PIK3R6: variants seen among roughly 807,000 people sequenced by gnomAD.
The protein encoded by PIK3R6 is phosphoinositide-3-kinase regulatory subunit 6.
A neutral mutation model predicts 84.9 loss-of-function variants in PIK3R6; 91 were observed. The observed-to-expected ratio is 1.07, with a 90% CI of 0.90 to 1.28. The LOEUF is 1.28. PIK3R6 is among the 50% of genes most tolerant of loss of function. The pLI is 0.00. For missense variants in PIK3R6, 996 were observed against 985.1 expected (o/e 1.01, Z -0.15); for synonymous variants, 416 against 411.4 (o/e 1.01, Z -0.13).
rs35964462 is a variant in PIK3R6 at position 8,834,550 on chromosome 17, AT to A, written c.645+722del. On this transcript the variant is annotated intron_variant, in intron 8 of 19. Coordinates refer to ENST00000619866, the MANE Select transcript of PIK3R6 (RefSeq NM_001010855.4). ...GCAAACACATGTCACTGCGTCTGGT[AT>A]TTTTTTTTTTTTATTACTTTTTGTA... Among the ~76,000 whole-genome samples, 1,314 of 146,394 alleles carry A rather than the reference AT, an allele frequency of 9.0e-3. 17 individuals carry two copies. Among genetic ancestry groups the A allele is most frequent in the African/African-American group, 0.028 (1,109 of 39,894 alleles).
Position 8,810,320 on chromosome 17 carries a change from C to T in PIK3R6, c.1996-6167G>A, listed in dbSNP as rs1392443159. Among the ~76,000 whole-genome samples the T allele has an allele frequency of 1.4e-5, 2 of 147,894 alleles. 1 individual carries two copies. Among genetic ancestry groups the T allele is most frequent in the East Asian group, 4.6e-4 (2 of 4,388 alleles). ...GTCCCCATGATTCAATTACCTCCCA[C>T]CAGGCCCCTCCCACAACATGTGGGA... On this transcript the variant is annotated intron_variant, in intron 18 of 19. Transcript: ENST00000619866.
intron 1 of PIK3R6, among the ~76,000 whole-genome samples, chr17:8,855,233 A>G (rs1043722763): frequency 1.1e-4 from 14 of 123,708 alleles, no homozygotes; most frequent in African/African-American, 3.8e-4. Context: ...CAAAACAACA[A>G]TAAAATAAAA....
chr17:8,850,407 AT>A (rs1458438727), intron 1 of PIK3R6, among the ~76,000 whole-genome samples: 1 of 152,170 alleles, frequency 6.6e-6, no homozygotes. Flanking sequence ...TTTAATATTA[AT>A]ATTAAGCTTA....
intron 1 of PIK3R6, among the ~76,000 whole-genome samples, chr17:8,853,092 C>A (rs1483644728): frequency 1.3e-5 from 2 of 151,740 alleles, no homozygotes; most frequent in Non-Finnish European, 2.9e-5. Context: ...TTAATCTGTG[C>A]AACAAAATAC....
At chr17:8,827,114 C>G in intron 13 of PIK3R6, 58 bp downstream of exon 13, 1 of 1,581,010 alleles carries the variant, frequency 6.3e-7, no homozygotes, top group Non-Finnish European at 8.6e-7. Context: ...GTTCTCCCCT[C>G]TGCCCAGACC....
intron 18 of PIK3R6, 45 bp from the exon 19 acceptor site, chr17:8,804,198 A>G (rs759166112): frequency 6.5e-7 from 1 of 1,529,060 alleles, no homozygotes; most frequent in East Asian, 2.3e-5. Flanking sequence ...TTTGCTCGAC[A>G]GGTGGCCCTG....
At chr17:8,866,520 C>G (rs1331093790) in intron 1 of PIK3R6, among the ~76,000 whole-genome samples, 1 of 152,120 alleles carries the variant, frequency 6.6e-6, no homozygotes, top group Admixed American at 6.5e-5. Context: ...CCAGCCTGCG[C>G]AAAAGCGTGA....
In PIK3R6 at chr17:8,803,438, G is replaced by A. The variant is rs1320708709; in HGVS notation, c.2109-9C>T. ...AGGGAGCAACCTCGAATCTGTGGGT[G>A]GAGAGAGACCAGCTCAGGTGACCCA... is the stretch of plus-strand genomic sequence containing the variant. On this transcript the variant is annotated splice_polypyrimidine_tract_variant and intron_variant, in intron 19 of 19. Transcript: ENST00000619866. The surrounding 1 kb of genome is among the most constrained non-coding windows in gnomAD (Gnocchi z 5.0). The A allele has an allele frequency of 6.3e-7, 1 of 1,593,366 alleles. No individual in the cohort carries two copies. Among genetic ancestry groups the A allele is most frequent in the Non-Finnish European group, 8.5e-7 (1 of 1,170,750 alleles).
intron 9 of PIK3R6, 107 bp downstream of exon 9, chr17:8,832,782 G>A (rs995446599): frequency 1.3e-6 from 2 of 1,534,550 alleles, no homozygotes; most frequent in Non-Finnish European, 1.8e-6. Context: ...AGTCGGCCAG[G>A]CACCCAGACA....
At chr17:8,822,747 C>T (rs1205396008) in intron 15 of PIK3R6, 90 bp from the exon 16 acceptor site, 6 of 1,333,842 alleles carry the variant, frequency 4.5e-6, no homozygotes, top group African/African-American at 4.4e-5. Flanking sequence ...AGCTGAGCTG[C>T]TGGGTTTACC....
intron 18 of PIK3R6, among the ~76,000 whole-genome samples, chr17:8,815,554 C>T (rs2087506749): frequency 6.6e-6 from 1 of 151,520 alleles, no homozygotes; most frequent in Admixed American, 6.6e-5. Context: ...AAGAAAATGT[C>T]AATACATTCC....
intron 1 of PIK3R6, among the ~76,000 whole-genome samples, chr17:8,853,938 G>A (rs1406734602): frequency 2.0e-5 from 3 of 149,472 alleles, no homozygotes; most frequent in African/African-American, 7.4e-5. Flanking sequence ...ACTCTAGCCT[G>A]GTGACAGAGA....
At chr17:8,806,003 G>T (rs530109452) in intron 18 of PIK3R6, among the ~76,000 whole-genome samples, 2 of 152,198 alleles carry the variant, frequency 1.3e-5, no homozygotes, top group Non-Finnish European at 2.9e-5. Flanking sequence ...TTGTGGTCAG[G>T]GGGGCAGGCA....
intron 1 of PIK3R6, among the ~76,000 whole-genome samples, chr17:8,861,930 T>G (rs1000355612): frequency 1.3e-5 from 2 of 152,244 alleles, no homozygotes; most frequent in African/African-American, 4.8e-5. Flanking sequence ...GAACAAATCT[T>G]CTAGCCATGA....
At chr17:8,829,837 G>A (rs560954672) in intron 9 of PIK3R6, 45 bp from the exon 10 acceptor site, 1 of 1,460,210 alleles carries the variant, frequency 6.8e-7, no homozygotes, top group South Asian at 1.2e-5. Flanking sequence ...GAGGCCATGG[G>A]ACCCTCCTCT....
chr17:8,850,009 TAAGA>T, intron 1 of PIK3R6, 124 bp from the exon 2 acceptor site: 1 of 467,200 alleles, frequency 2.1e-6, no homozygotes, highest in Non-Finnish European at 3.7e-6. Context: ...TAGATGTATT[TAAGA>T]AAACTTATGA....
chr17:8,821,835 C>T lies in PIK3R6; in HGVS notation c.1879+11G>A, dbSNP rs370819338. ...TCTCTCTTTCTTTGCTCTGCATTCC[C>T]CATTCCTCACCTTCTGTGTCGCTGG... On this transcript the variant is annotated intron_variant, in intron 17 of 19. Transcript: ENST00000619866. 174 of 1,582,236 alleles carry T rather than the reference C, an allele frequency of 1.1e-4. No homozygotes were observed. The African/African-American group carries it at 2.1e-3, about 19-fold the overall frequency.
chr17:8,827,213 C>T lies in PIK3R6; in HGVS notation c.1474G>A (p.Val492Ile), dbSNP rs200683874. Residue 492 changes from valine (V) to isoleucine (I), a missense_variant, in exon 13 of 20, where the codon GTC becomes ATC. Transcript: ENST00000619866. ...TGGATGGCGGGGCACAGCGTGTTGA[C>T]GTTGCTCTGGTACCACGGGTCTACG... ...GRVDPWYQSN[V>I]NTLCPAIHKL... 2.6e-4 allele frequency: 418 copies of T among 1,610,442 alleles called. No homozygotes were observed. The highest frequency in any genetic ancestry group is 4.0e-4 in the East Asian group (18 of 44,750).
intron 1 of PIK3R6, among the ~76,000 whole-genome samples, chr17:8,854,829 GA>G (rs1438631857): frequency 6.6e-6 from 1 of 152,176 alleles, no homozygotes; most frequent in African/African-American, 2.4e-5. Context: ...TGATCCATAA[GA>G]GGAAAAACAT....
Sources: gnomAD v4.1 joint callset for allele counts (sites outside exome capture counted in the v4.1 genomes callset) on GRCh38, gnomAD v4.1.1 for gene constraint, Gnocchi (gnomAD v3.1) non-coding constraint, MANE v1.5 for transcripts, NCBI Gene and HGNC (gene_info 2026-07-23, HGNC 2026-07-21) for gene names.